Variants in DCUN1D2 observed in about 807,000 individuals in gnomAD.
The protein encoded by DCUN1D2 is defective in cullin neddylation 1 domain containing 2.
In DCUN1D2, 29 loss-of-function variants were observed where a neutral mutation model predicts 30.9. The ratio of observed to expected loss-of-function variants is 0.94; its 90% CI spans 0.70 to 1.28. The LOEUF (loss-of-function observed/expected upper bound fraction) is 1.28. DCUN1D2 is among the 50% of genes most tolerant of loss of function. The pLI, the probability that DCUN1D2 is intolerant of heterozygous loss-of-function variation, is 0.00. For synonymous variants in DCUN1D2, 121 were observed against 115.3 expected (o/e 1.05, Z -0.32); for missense variants, 325 against 316.9 (o/e 1.03, Z -0.19).
chr13:113,456,155 G>A lies in DCUN1D2; in HGVS notation c.*1874C>T, dbSNP rs542473112. On this transcript the variant is annotated 3_prime_UTR_variant, in exon 7 of 7. Coordinates refer to ENST00000478244, the MANE Select transcript of DCUN1D2 (RefSeq NM_001014283.2). ...ATTGTATTAGACAAATGCTCTCTGA[G>A]AATCGAAGACTTCTAAAGGTAGACA... 4.3e-5 allele frequency: 17 copies of A among 398,574 alleles called. No individual in the cohort carries two copies. The highest frequency in any genetic ancestry group is 3.1e-4 in the African/African-American group (15 of 48,738). The allele number at this position is 398,574 out of a possible 1,614,324, so 24.7% of individuals were successfully genotyped here.
intron 4 of DCUN1D2, chr13:113,462,900 GAA>G: frequency 7.4e-6 from 9 of 1,222,482 alleles, no homozygotes; most frequent in East Asian, 5.9e-5. Flanking sequence ...ACCTGGGGAG[GAA>G]AAAAAAATAA....
intron 4 of DCUN1D2, chr13:113,462,682 AAGAG>A (rs965384713): frequency 1.5e-5 from 14 of 912,188 alleles, no homozygotes; most frequent in African/African-American, 1.8e-5. Flanking sequence ...ATCAGAAAGA[AAGAG>A]AGAGTCAGAA....
chr13:113,464,664 G>A (rs142617784), intron 4 of DCUN1D2, among the ~76,000 whole-genome samples: 9 of 152,368 alleles, frequency 5.9e-5, no homozygotes, highest in African/African-American at 1.7e-4. Flanking sequence ...AAGCCACCAC[G>A]CTGCAAGGAG....
intron 3 of DCUN1D2, 195 bp downstream of exon 3, chr13:113,480,380 T>G: frequency 2.2e-6 from 1 of 450,766 alleles, no homozygotes; most frequent in South Asian, 5.7e-5. Context: ...AAATGTGAAA[T>G]GAAATAAAGT....
intron 4 of DCUN1D2, among the ~76,000 whole-genome samples, chr13:113,471,465 C>T (rs969974923): frequency 6.6e-6 from 1 of 152,208 alleles, no homozygotes; most frequent in Admixed American, 6.5e-5. Flanking sequence ...AGGAACAGAA[C>T]AAATGCTTAA....
At chr13:113,459,618 GAAC>G in intron 5 of DCUN1D2, 1 of 400,812 alleles carries the variant, frequency 2.5e-6, no homozygotes, top group Non-Finnish European at 4.5e-6. Context: ...ATTTATTTAA[GAAC>G]AAAACATTTT....
intron 3 of DCUN1D2, chr13:113,478,959 A>T (rs1198266661): frequency 6.6e-6 from 1 of 152,114 alleles, no homozygotes; most frequent in Non-Finnish European, 1.5e-5. Flanking sequence ...CAAATTATGC[A>T]GTCCAGTTTC....
chr13:113,461,243 A>C, intron 4 of DCUN1D2, 107 bp from the exon 5 acceptor site: 1 of 694,158 alleles, frequency 1.4e-6, no homozygotes, highest in Non-Finnish European at 2.4e-6. Flanking sequence ...AAAATGTGGC[A>C]ATCTCACCCA....
At chr13:113,481,627 T>C (rs557844224) in intron 2 of DCUN1D2, among the ~76,000 whole-genome samples, 3 of 152,330 alleles carry the variant, frequency 2.0e-5, no homozygotes, top group African/African-American at 7.2e-5. Flanking sequence ...CTCACGCCTA[T>C]AATCCCAGCA....
Position 113,456,602 on chromosome 13 carries a change from G to A in DCUN1D2, c.*1427C>T. On this transcript the variant is annotated 3_prime_UTR_variant, in exon 7 of 7. Coordinates refer to ENST00000478244, the MANE Select transcript of DCUN1D2 (RefSeq NM_001014283.2). The stretch of plus-strand genomic sequence containing the variant: ...ATGAGAGTCTCGGCACGTGAGGTAG[G>A]GTCAACAGTGATGTCCACAACTCAA... 2.6e-6 allele frequency: 1 copy of A among 378,476 alleles called. No individual in the cohort carries two copies. Among genetic ancestry groups the A allele is most frequent in the Non-Finnish European group, 4.7e-6 (1 of 213,834 alleles). 23.4% of individuals were successfully genotyped at this position (378,476 alleles called of 1,614,324 possible). A position where few individuals can be genotyped will look rare whatever the true frequency, so the allele number is the denominator to read the frequency against.
upstream of DCUN1D2, chr13:113,491,321 C>A (rs890419839): frequency 1.3e-4 from 20 of 152,590 alleles, no homozygotes; most frequent in African/African-American, 4.9e-4. Context: ...GGGTCCCCTT[C>A]CTTCCCTCCC....
chr13:113,489,129 C>A (rs1025579969), intron 1 of DCUN1D2: 1 of 985,366 alleles, frequency 1.0e-6, no homozygotes, highest in Non-Finnish European at 1.2e-6. Flanking sequence ...GAATAAACTA[C>A]GTAAGTTTAT....
At chr13:113,471,296 A>C (rs2044510307) in intron 4 of DCUN1D2, among the ~76,000 whole-genome samples, 1 of 149,700 alleles carries the variant, frequency 6.7e-6, no homozygotes, top group Non-Finnish European at 1.5e-5. Flanking sequence ...TCCACAGAAG[A>C]CACAACTCCA....
chr13:113,471,090 A>AGGG (rs2044503772), intron 4 of DCUN1D2, among the ~76,000 whole-genome samples: 1 of 135,232 alleles, frequency 7.4e-6, no homozygotes, highest in African/African-American at 2.8e-5. Flanking sequence ...GCTCCACGCA[A>AGGG]GACCCAACTC....
In DCUN1D2 at chr13:113,456,568, G is replaced by A. The variant is rs148307209; in HGVS notation, c.*1461C>T. On this transcript the variant is annotated 3_prime_UTR_variant, in exon 7 of 7. Coordinates refer to ENST00000478244, the MANE Select transcript of DCUN1D2 (RefSeq NM_001014283.2). Reference sequence around the variant, plus strand: ...GTGCTGCAGGGGGGCAGCAAGGCACGCCTGTGACATGAGAGTCTCGGCACG... The same window carrying A: ...GTGCTGCAGGGGGGCAGCAAGGCACACCTGTGACATGAGAGTCTCGGCACG... 8.1e-4 allele frequency: 321 copies of A among 394,634 alleles called. No homozygotes were observed. Among genetic ancestry groups the A allele is most frequent in the East Asian group, 4.7e-3 (131 of 27,820 alleles). 24.4% of individuals were successfully genotyped at this position (394,634 alleles called of 1,614,324 possible). A position where few individuals can be genotyped will look rare whatever the true frequency, so the allele number is the denominator to read the frequency against.
At chr13:113,483,690 A>G in intron 2 of DCUN1D2, 150 bp downstream of exon 2, 1 of 647,204 alleles carries the variant, frequency 1.5e-6, no homozygotes, top group Non-Finnish European at 2.6e-6. Context: ...AAGCAAGTGG[A>G]TTCTGCAGCT....
At position 113,490,622 on chromosome 13, in the gene DCUN1D2, C is replaced by G. The variant is rs2044949723; in HGVS notation, c.3+45G>C. 1 of 1,220,630 alleles carries G rather than the reference C, an allele frequency of 8.2e-7. No individual in the cohort carries two copies. Among genetic ancestry groups the G allele is most frequent in the Admixed American group, 4.4e-5 (1 of 22,630 alleles). 75.6% of individuals were successfully genotyped at this position (1,220,630 alleles called of 1,614,324 possible). Reference sequence around the variant, plus strand: ...GCCTGCGCCGACCTTGGGGCCCGACCCCGACCCCGACCCCGACGGGCAGAG... The same window carrying G: ...GCCTGCGCCGACCTTGGGGCCCGACGCCGACCCCGACCCCGACGGGCAGAG... On this transcript the variant is annotated intron_variant, in intron 1 of 6. Transcript: ENST00000478244. This position sits in a 1 kb window ranked among gnomAD's most constrained non-coding sequence, Gnocchi z 5.2.
chr13:113,471,569 T>C (rs1296667208), intron 4 of DCUN1D2, among the ~76,000 whole-genome samples: 2 of 152,206 alleles, frequency 1.3e-5, no homozygotes, highest in East Asian at 3.8e-4. Flanking sequence ...ACACTGACCA[T>C]GGACGACCCA....
intron 3 of DCUN1D2, among the ~76,000 whole-genome samples, chr13:113,479,324 CGT>C (rs2044667983): frequency 6.6e-6 from 1 of 152,078 alleles, no homozygotes; most frequent in Non-Finnish European, 1.5e-5. Context: ...TACATAAAAA[CGT>C]AAGTGTGACT....
Sources: gnomAD v4.1 joint callset for allele counts (sites outside exome capture counted in the v4.1 genomes callset) on GRCh38, gnomAD v4.1.1 for gene constraint, Gnocchi (gnomAD v3.1) non-coding constraint, MANE v1.5 for transcripts, NCBI Gene and HGNC (gene_info 2026-07-23, HGNC 2026-07-21) for gene names.